The following ANKRD13C variants were observed in gnomAD, a reference collection of about 807,000 sequenced individuals.
ANKRD13C encodes the protein ankyrin repeat domain 13C, also known as ankyrin repeat domain-containing protein 13C.
In ANKRD13C, 16 loss-of-function variants were observed where a neutral mutation model predicts 65.5. The observed-to-expected ratio is 0.24, with a 90% CI of 0.17 to 0.37. The LOEUF (loss-of-function observed/expected upper bound fraction) is 0.37. Among genes scored for constraint, ANKRD13C ranks in the 10% least tolerant of loss-of-function variants. The probability of loss-of-function intolerance (pLI) is 1.00; values close to 1 mark genes in which losing one functional copy is unlikely to be tolerated. For missense variants in ANKRD13C, 503 were observed against 655.9 expected, an observed-to-expected ratio of 0.77 and a Z score of 2.55; for synonymous variants, 235 against 238.7, an observed-to-expected ratio of 0.98 and a Z score of 0.14.
At chr1:70,321,831 T>C (rs185862509) in intron 3 of ANKRD13C, among the ~76,000 whole-genome samples, 9 of 152,310 alleles carry the variant, frequency 5.9e-5, no homozygotes, top group Middle Eastern at 3.4e-3. Context: ...TTGCATTGTC[T>C]GTTTTGTGGT....
At chr1:70,337,020 T>G (rs1682071034) in intron 1 of ANKRD13C, among the ~76,000 whole-genome samples, 1 of 152,030 alleles carries the variant, frequency 6.6e-6, no homozygotes, top group Admixed American at 6.6e-5. Flanking sequence ...TTTACGAAAG[T>G]CATCACATTA....
chr1:70,260,404 A>C lies in ANKRD13C; in HGVS notation c.*2313T>G, dbSNP rs1472230181. On this transcript the variant is annotated 3_prime_UTR_variant, in exon 13 of 13. Coordinates refer to ENST00000370944, the MANE Select transcript of ANKRD13C (RefSeq NM_030816.5). ...AAGATGACTATACGATTGTCCCCCTACCAATTTAAACAGTTTCAAAATCAC... is the reference window on the plus strand; with the variant it reads ...AAGATGACTATACGATTGTCCCCCTCCCAATTTAAACAGTTTCAAAATCAC... 6.6e-6 allele frequency among the ~76,000 whole-genome samples: 1 copy of C among 152,158 alleles called. No homozygotes were observed. The highest frequency in any genetic ancestry group is 1.5e-5 in the Non-Finnish European group (1 of 67,984).
At chr1:70,301,537 T>G (rs188552920) in intron 6 of ANKRD13C, among the ~76,000 whole-genome samples, 175 of 152,312 alleles carry the variant, frequency 1.1e-3, no homozygotes, top group African/African-American at 3.8e-3. Context: ...ATCCTTCAAC[T>G]TGATAAACCA....
chr1:70,297,873 C>T (rs1258482517), intron 7 of ANKRD13C, among the ~76,000 whole-genome samples: 2 of 147,900 alleles, frequency 1.4e-5, no homozygotes, highest in African/African-American at 2.5e-5. Flanking sequence ...AGATCAATCA[C>T]GCCACTGCAC....
chr1:70,285,693 T>C (rs1169670682), intron 9 of ANKRD13C, among the ~76,000 whole-genome samples: 1 of 146,412 alleles, frequency 6.8e-6, no homozygotes, highest in African/African-American at 2.6e-5. Context: ...TAGGGTGGAG[T>C]GATCTCAGCT....
intron 9 of ANKRD13C, among the ~76,000 whole-genome samples, chr1:70,284,447 A>T (rs1461947287): frequency 6.6e-6 from 1 of 152,100 alleles, no homozygotes; most frequent in Non-Finnish European, 1.5e-5. Context: ...TACTACATTT[A>T]CCAATAACAT....
intron 5 of ANKRD13C, among the ~76,000 whole-genome samples, chr1:70,308,315 T>G (rs1680675592): frequency 6.6e-6 from 1 of 151,912 alleles, no homozygotes; most frequent in Non-Finnish European, 1.5e-5. Context: ...TCTTTTGAAG[T>G]AATTATAACA....
At chr1:70,319,562 G>C (rs6669932) in intron 3 of ANKRD13C, among the ~76,000 whole-genome samples, 1 of 144,822 alleles carries the variant, frequency 6.9e-6, no homozygotes, top group African/African-American at 2.6e-5. Context: ...AGCCAAGATC[G>C]CGCCATTGCA....
intron 12 of ANKRD13C, among the ~76,000 whole-genome samples, chr1:70,268,711 G>A (rs1408079771): frequency 6.6e-6 from 1 of 152,048 alleles, no homozygotes; most frequent in Non-Finnish European, 1.5e-5. Context: ...AAGTGGTGGG[G>A]GAGGATGAAG....
At chr1:70,323,587 G>C (rs939247395) in intron 3 of ANKRD13C, among the ~76,000 whole-genome samples, 1 of 151,506 alleles carries the variant, frequency 6.6e-6, no homozygotes, top group Non-Finnish European at 1.5e-5. Context: ...AGGTTGCAGT[G>C]AGCCAAGATT....
intron 12 of ANKRD13C, 38 bp downstream of exon 12, chr1:70,270,818 T>C (rs1196106378): frequency 7.2e-7 from 1 of 1,384,552 alleles, no homozygotes; most frequent in Non-Finnish European, 1.0e-6. Flanking sequence ...TCCATATTCC[T>C]AATGGACACT....
At chr1:70,305,625 T>C (rs1016738384) in intron 6 of ANKRD13C, 4 of 152,138 alleles carry the variant, frequency 2.6e-5, no homozygotes, top group African/African-American at 4.8e-5. Flanking sequence ...GCTATATTAT[T>C]ATAAAGCAAA....
intron 10 of ANKRD13C, among the ~76,000 whole-genome samples, chr1:70,275,892 C>T (rs904012124): frequency 1.4e-5 from 2 of 138,764 alleles, no homozygotes; most frequent in African/African-American, 5.5e-5. Flanking sequence ...ACCTGGGAGG[C>T]GGAGGTTGCA....
At chr1:70,294,886 A>T (rs1680014193) in intron 8 of ANKRD13C, among the ~76,000 whole-genome samples, 1 of 152,076 alleles carries the variant, frequency 6.6e-6, no homozygotes, top group Non-Finnish European at 1.5e-5. Flanking sequence ...TCCACTCTTT[A>T]CTAAATTTCC....
intron 9 of ANKRD13C, among the ~76,000 whole-genome samples, chr1:70,283,233 C>T (rs1483947259): frequency 6.6e-6 from 1 of 152,112 alleles, no homozygotes; most frequent in Non-Finnish European, 1.5e-5. Context: ...CTCCTCTATA[C>T]TGATGCCATG....
At chr1:70,282,054 CTT>C (rs1228023912) in intron 9 of ANKRD13C, among the ~76,000 whole-genome samples, 27 of 131,962 alleles carry the variant, frequency 2.0e-4, no homozygotes, top group Admixed American at 3.1e-4. Context: ...TACATATCAT[CTT>C]TTTTTTTTTT....
intron 9 of ANKRD13C, among the ~76,000 whole-genome samples, chr1:70,288,699 T>C (rs1220296440): frequency 6.6e-6 from 1 of 152,034 alleles, no homozygotes; most frequent in Non-Finnish European, 1.5e-5. Flanking sequence ...ACTAAAGAAA[T>C]GGAAGAACAG....
chr1:70,339,209 CAAA>C (rs771059976), intron 1 of ANKRD13C, among the ~76,000 whole-genome samples: 5 of 99,970 alleles, frequency 5.0e-5, no homozygotes, highest in Admixed American at 1.1e-4. Context: ...GACCCTATCT[CAAA>C]AAAAAAAAAA....
chr1:70,313,168 T>C (rs1253087511), intron 5 of ANKRD13C, among the ~76,000 whole-genome samples: 2 of 152,230 alleles, frequency 1.3e-5, no homozygotes, highest in Non-Finnish European at 2.9e-5. Flanking sequence ...CATTCTATTA[T>C]TAAATTTTAA....
Sources: allele counts gnomAD v4.1 joint callset (sites outside exome capture counted in the v4.1 genomes callset), GRCh38; gene constraint gnomAD v4.1.1; transcripts MANE v1.5; gene names NCBI Gene and HGNC (gene_info 2026-07-23, HGNC 2026-07-21).